NYAP2: variants seen among roughly 807,000 people sequenced by gnomAD.
The protein encoded by NYAP2 is neuronal tyrosine-phosphorylated phosphoinositide-3-kinase adaptor 2, also known as neuronal tyrosine-phosphorylated phosphoinositide-3-kinase adapter 2.
A neutral mutation model predicts 50.4 loss-of-function variants in NYAP2; 23 were observed. The ratio of observed to expected loss-of-function variants is 0.46; its 90% CI spans 0.33 to 0.65. The LOEUF (loss-of-function observed/expected upper bound fraction) is 0.65, where lower values mean the gene tolerates loss of function less well. NYAP2 is among the 30% of genes least tolerant of loss of function. The pLI, the probability that NYAP2 is intolerant of heterozygous loss-of-function variation, is 0.02. For synonymous variants in NYAP2, 394 were observed against 365.2 expected (o/e 1.08, Z -0.90); for missense variants, 885 against 861.0 (o/e 1.03, Z -0.35).
chr2:225,683,392 T>G, the NYAP2 span, among the ~76,000 whole-genome samples: 2 of 152,130 alleles, frequency 1.3e-5, no homozygotes, highest in African/African-American at 4.8e-5. Flanking sequence ...TATAGAAGCC[T>G]CGTGAGTATT....
At chr2:225,406,531 G>A (rs1180780997) in intron 2 of NYAP2, among the ~76,000 whole-genome samples, 1 of 151,478 alleles carries the variant, frequency 6.6e-6, no homozygotes, top group Non-Finnish European at 1.5e-5. Flanking sequence ...GCCTTCATTA[G>A]GGCTTTTCAT....
chr2:225,568,886 C>A (rs76316862), intron 4 of NYAP2, among the ~76,000 whole-genome samples: 1 of 152,016 alleles, frequency 6.6e-6, no homozygotes, highest in African/African-American at 2.4e-5. Context: ...AAAGCTTTCC[C>A]CCTTATACTC....
chr2:225,532,081 T>A (rs1379610895), intron 4 of NYAP2, among the ~76,000 whole-genome samples: 1 of 152,250 alleles, frequency 6.6e-6, no homozygotes, highest in Non-Finnish European at 1.5e-5. Context: ...TTTCCTTAAA[T>A]GATTTCTGGA....
chr2:225,681,978 A>G, the NYAP2 span, among the ~76,000 whole-genome samples: 1 of 152,178 alleles, frequency 6.6e-6, no homozygotes, highest in East Asian at 1.9e-4. Flanking sequence ...TATGTTAGCC[A>G]TTGTTTGTAT....
chr2:225,453,398 T>G (rs1689684686), intron 3 of NYAP2, among the ~76,000 whole-genome samples: 1 of 152,188 alleles, frequency 6.6e-6, no homozygotes, highest in South Asian at 2.1e-4. Flanking sequence ...TCTAAGATTC[T>G]GTTATTTCTT....
chr2:225,452,553 C>G (rs73082859), intron 3 of NYAP2, among the ~76,000 whole-genome samples: 3,236 of 152,228 alleles, frequency 0.021, 114 homozygotes, highest in African/African-American at 0.071. Context: ...CTCAGTCTTA[C>G]CACTTAGGGC....
intron 5 of NYAP2, among the ~76,000 whole-genome samples, chr2:225,590,486 A>C (rs1692480235): frequency 6.6e-6 from 1 of 152,136 alleles, no homozygotes; most frequent in Non-Finnish European, 1.5e-5. Flanking sequence ...TTAATGAGAA[A>C]CTTTAGGGGT....
At chr2:225,503,165 A>G (rs1241525970) in intron 3 of NYAP2, among the ~76,000 whole-genome samples, 1 of 152,214 alleles carries the variant, frequency 6.6e-6, no homozygotes, top group Non-Finnish European at 1.5e-5. Flanking sequence ...ATGTTCTCAA[A>G]CCATATTCAA....
chr2:225,615,121 G>T (rs967964169), intron 5 of NYAP2, among the ~76,000 whole-genome samples: 3 of 152,082 alleles, frequency 2.0e-5, no homozygotes, highest in Non-Finnish European at 4.4e-5. Flanking sequence ...CATTCTAATG[G>T]CTAGACCTCG....
chr2:225,496,587 A>C (rs1208384304), intron 3 of NYAP2, among the ~76,000 whole-genome samples: 1 of 152,230 alleles, frequency 6.6e-6, no homozygotes, highest in Admixed American at 6.5e-5. Flanking sequence ...AAACAAAAAC[A>C]ATAAAGCCCC....
At chr2:225,464,346 T>C (rs540161556) in intron 3 of NYAP2, among the ~76,000 whole-genome samples, 6 of 152,160 alleles carry the variant, frequency 3.9e-5, no homozygotes, top group Non-Finnish European at 8.8e-5. Context: ...GTGATAAACA[T>C]CCTATGTGTC....
intron 5 of NYAP2, among the ~76,000 whole-genome samples, chr2:225,619,900 A>G (rs960878409): frequency 1.3e-5 from 2 of 152,258 alleles, no homozygotes; most frequent in African/African-American, 4.8e-5. Context: ...TTTTTGTAAT[A>G]AATTTAATTC....
chr2:225,444,981 T>C (rs1437261053), intron 3 of NYAP2, among the ~76,000 whole-genome samples: 1 of 152,186 alleles, frequency 6.6e-6, no homozygotes, highest in Admixed American at 6.5e-5. Flanking sequence ...AACTATTCCG[T>C]ATTCTCTGTT....
At chr2:225,643,435 C>A (rs1283008379) in intron 6 of NYAP2, among the ~76,000 whole-genome samples, 3 of 151,118 alleles carry the variant, frequency 2.0e-5, no homozygotes, top group Non-Finnish European at 4.4e-5. Context: ...CCCTTATAAT[C>A]TTTTTTTTTA....
intron 5 of NYAP2, among the ~76,000 whole-genome samples, chr2:225,592,427 C>T (rs559015733): frequency 1.3e-5 from 2 of 152,318 alleles, no homozygotes; most frequent in South Asian, 4.1e-4. Context: ...GGGCCCTATG[C>T]TTCTTAGCAC....
chr2:225,401,757 T>C (rs1351852349), intron 2 of NYAP2, among the ~76,000 whole-genome samples: 1 of 152,038 alleles, frequency 6.6e-6, no homozygotes, highest in Non-Finnish European at 1.5e-5. Context: ...ATTTCATATC[T>C]GGAAAAACTA....
intron 5 of NYAP2, among the ~76,000 whole-genome samples, chr2:225,619,419 G>A (rs1295003610): frequency 6.6e-6 from 1 of 152,178 alleles, no homozygotes; most frequent in Non-Finnish European, 1.5e-5. Context: ...TTTGTTCCTA[G>A]AGCTTAAAAG....
intron 6 of NYAP2, among the ~76,000 whole-genome samples, chr2:225,630,600 A>G (rs541628960): frequency 8.2e-4 from 125 of 152,356 alleles, no homozygotes; most frequent in African/African-American, 2.8e-3. Flanking sequence ...TTCCATCTGG[A>G]AATGAAATCA....
At chr2:225,528,379 C>A (rs1176751780) in intron 4 of NYAP2, among the ~76,000 whole-genome samples, 1 of 152,042 alleles carries the variant, frequency 6.6e-6, no homozygotes, top group East Asian at 1.9e-4. Context: ...TTTGTCTTTC[C>A]TTTGCTCCAC....
Sources: gnomAD v4.1 joint callset for allele counts (sites outside exome capture counted in the v4.1 genomes callset) on GRCh38, gnomAD v4.1.1 for gene constraint, MANE v1.5 for transcripts, NCBI Gene and HGNC (gene_info 2026-07-23, HGNC 2026-07-21) for gene names.